The following BIRC6 variants were observed in gnomAD, a reference collection of about 807,000 sequenced individuals.
BIRC6 encodes dual E2 ubiquitin-conjugating enzyme/E3 ubiquitin-protein ligase BIRC6.
Under a neutral mutation model 503.3 loss-of-function variants are expected in BIRC6, and 98 were observed. That is an observed-to-expected ratio of 0.19 (90% CI 0.17 to 0.23). The LOEUF is 0.23. Among genes scored for constraint, BIRC6 ranks in the 10% least tolerant of loss-of-function variants. BIRC6 has a pLI of 1.00. For missense variants in BIRC6, 5,360 were observed against 5,806.0 expected (o/e 0.92, Z 2.50); for synonymous variants, 2,240 against 2,078.7 (o/e 1.08, Z -2.11).
chr2:32,473,740 TG>T (rs2049368297), intron 33 of BIRC6, among the ~76,000 whole-genome samples: 2 of 141,750 alleles, frequency 1.4e-5, no homozygotes, highest in African/African-American at 5.3e-5. Context: ...TGTGTGTGTG[TG>T]TGTGTGTGTA....
intron 22 of BIRC6, among the ~76,000 whole-genome samples, 162 bp from the exon 23 acceptor site, chr2:32,453,646 T>C (rs2046943222): frequency 6.6e-6 from 1 of 152,208 alleles, no homozygotes; most frequent in African/African-American, 2.4e-5. Context: ...GCCTGCTGTT[T>C]TGTCAGTTTT....
At chr2:32,560,973 G>A (rs993960612) in intron 65 of BIRC6, among the ~76,000 whole-genome samples, 1 of 151,958 alleles carries the variant, frequency 6.6e-6, no homozygotes, top group African/African-American at 2.4e-5. Context: ...GCCGAGGCGG[G>A]TGGATCACGA....
At chr2:32,435,434 C>G (rs1049546692) in intron 13 of BIRC6, 62 bp from the exon 14 acceptor site, 1 of 1,438,192 alleles carries the variant, frequency 7.0e-7, no homozygotes, top group Non-Finnish European at 9.2e-7. Context: ...ATTAAGTTTA[C>G]TAATATTTTT....
chr2:32,394,527 T>A (rs1462537849), intron 5 of BIRC6, among the ~76,000 whole-genome samples: 6 of 152,072 alleles, frequency 3.9e-5, no homozygotes, highest in African/African-American at 1.4e-4. Flanking sequence ...TGTATGTGAT[T>A]GAGTATTTAA....
chr2:32,494,707 G>C (rs941043560), intron 45 of BIRC6, among the ~76,000 whole-genome samples: 1 of 151,872 alleles, frequency 6.6e-6, no homozygotes, highest in Non-Finnish European at 1.5e-5. Context: ...TTTGAGAGTA[G>C]CCTGGGTCAC....
intron 65 of BIRC6, among the ~76,000 whole-genome samples, chr2:32,552,611 A>T (rs1297101348): frequency 6.6e-6 from 1 of 152,196 alleles, no homozygotes; most frequent in Non-Finnish European, 1.5e-5. Context: ...TCTGTAACTG[A>T]GACACCGATC....
chr2:32,519,789 A>AT (rs1433709517), intron 57 of BIRC6, among the ~76,000 whole-genome samples: 5 of 152,174 alleles, frequency 3.3e-5, no homozygotes, highest in Non-Finnish European at 2.9e-5. Flanking sequence ...AATTGCTGGG[A>AT]TTACAGGTGT....
chr2:32,583,890 C>A (rs1251321720), intron 66 of BIRC6, among the ~76,000 whole-genome samples: 1 of 152,098 alleles, frequency 6.6e-6, no homozygotes, highest in Non-Finnish European at 1.5e-5. Flanking sequence ...GCCACCACGC[C>A]CGGCTAATTT....
rs1270429778 is a variant in BIRC6, at chr2:32,594,120, A to C, written c.13501+60A>C. On this transcript the variant is annotated intron_variant, in intron 67 of 73. Transcript: ENST00000421745. ...TGATGTAAAGATGTTTCATTTACTTACTGAAACCTGCCTTTGTGTTTTTGC... is the reference window on the plus strand; with the variant it reads ...TGATGTAAAGATGTTTCATTTACTTCCTGAAACCTGCCTTTGTGTTTTTGC... 4 of 1,522,850 alleles carry C rather than the reference A, an allele frequency of 2.6e-6. No homozygotes were observed. The East Asian group carries it at 9.2e-5, about 35-fold the overall frequency. 94.3% of individuals were successfully genotyped at this position (1,522,850 alleles called of 1,614,324 possible).
intron 20 of BIRC6, among the ~76,000 whole-genome samples, chr2:32,443,883 C>A (rs754197402): frequency 8.5e-5 from 13 of 152,136 alleles, no homozygotes; most frequent in Non-Finnish European, 1.6e-4. Context: ...CTGACTGTAA[C>A]AGATCAGATG....
intron 70 of BIRC6, among the ~76,000 whole-genome samples, chr2:32,601,023 C>A (rs2062019253): frequency 6.6e-6 from 1 of 152,148 alleles, no homozygotes; most frequent in Non-Finnish European, 1.5e-5. Flanking sequence ...AAAAAAATCT[C>A]ATAATATTTT....
chr2:32,503,544 C>T (rs2053442865), intron 49 of BIRC6, among the ~76,000 whole-genome samples: 1 of 152,118 alleles, frequency 6.6e-6, no homozygotes, highest in South Asian at 2.1e-4. Context: ...GCCTCAGCCT[C>T]CCGAGTAGCT....
chr2:32,412,348 T>C (rs796871328), intron 9 of BIRC6, among the ~76,000 whole-genome samples: 9 of 151,936 alleles, frequency 5.9e-5, no homozygotes, highest in African/African-American at 2.2e-4. Flanking sequence ...AATACAAAAA[T>C]TAGCCAGGCG....
intron 1 of BIRC6, among the ~76,000 whole-genome samples, chr2:32,361,936 C>T (rs1021831143): frequency 4.6e-5 from 7 of 152,194 alleles, no homozygotes; most frequent in Non-Finnish European, 8.8e-5. Flanking sequence ...ATTCACATAC[C>T]GGAGGACATC....
rs1156763531 is a variant in BIRC6 at position 32,441,458 on chromosome 2, G to A, written c.3940G>A (p.Glu1314Lys). 6.2e-7 allele frequency: 1 copy of A among 1,608,356 alleles called. No homozygotes were observed. Residue 1314 changes from glutamate (E) to lysine (K), a missense_variant, in exon 17 of 74, where the codon GAA becomes AAA. This residue lies in a region of BIRC6 where 2,299 missense variants were observed against 2,267.2 expected (regional missense o/e 1.01). Coordinates refer to ENST00000421745, the MANE Select transcript of BIRC6 (RefSeq NM_016252.4). ...ATTTAAGAAAACCTCAATTTCTAAG[G>A]AAAGGTAATTTCATTGCATTATCTT... Reference protein sequence around the residue: ...RRFKKTSISKERVQRCAMLQF... With the variant: ...RRFKKTSISKKRVQRCAMLQF...
intron 41 of BIRC6, among the ~76,000 whole-genome samples, 161 bp from the exon 42 acceptor site, chr2:32,488,427 A>C (rs2051266744): frequency 6.6e-6 from 1 of 152,250 alleles, no homozygotes; most frequent in Non-Finnish European, 1.5e-5. Context: ...TTGCTGATCA[A>C]CTAATTTAAT....
At chr2:32,509,165 G>GC (rs1222986108) in intron 51 of BIRC6, among the ~76,000 whole-genome samples, 5 of 152,060 alleles carry the variant, frequency 3.3e-5, no homozygotes, top group Non-Finnish European at 7.4e-5. Context: ...ATATATAATT[G>GC]CATGTAAAAG....
rs141814219 is a variant in BIRC6, at chr2:32,432,525, C to T, written c.3249-1119C>T. 7.4e-3 allele frequency among the ~76,000 whole-genome samples: 1,125 copies of T among 151,944 alleles called. 7 individuals carry two copies. Among genetic ancestry groups the T allele is most frequent in the Middle Eastern group, 0.014 (4 of 294 alleles). On this transcript the variant is annotated intron_variant, in intron 12 of 73. Coordinates refer to ENST00000421745, the MANE Select transcript of BIRC6 (RefSeq NM_016252.4). ...TAATCCTAGCATTTTGGGAGACTGA[C>T]GCAGGAGGATCACTTGAGCCCAGGT...
intron 2 of BIRC6, among the ~76,000 whole-genome samples, chr2:32,378,399 C>G (rs542176812): frequency 6.6e-6 from 1 of 151,818 alleles, no homozygotes; most frequent in South Asian, 2.1e-4. Flanking sequence ...GTGGTTCTTT[C>G]TTTCTTTTTT....
Sources: gnomAD v4.1 joint callset for allele counts (sites outside exome capture counted in the v4.1 genomes callset) on GRCh38, gnomAD v4.1.1 for gene constraint, gnomAD v4.1.1 regional missense constraint, MANE v1.5 for transcripts, NCBI Gene and HGNC (gene_info 2026-07-23, HGNC 2026-07-21) for gene names.